Variants in DOCK1 observed in about 807,000 individuals in gnomAD.
DOCK1 encodes dedicator of cytokinesis 1, also known as dedicator of cytokinesis protein 1.
Under a neutral mutation model 262.7 loss-of-function variants are expected in DOCK1, and 138 were observed. The observed-to-expected ratio is 0.53, with a 90% CI of 0.46 to 0.61. The LOEUF is 0.61. Ranked by LOEUF, DOCK1 falls within the 20% of genes least tolerant of loss-of-function variation. DOCK1 has a pLI of 0.00. For synonymous variants in DOCK1, 866 were observed against 867.4 expected, an observed-to-expected ratio of 1.00 and a Z score of 0.03; for missense variants, 1,908 against 2,370.7, an observed-to-expected ratio of 0.80 and a Z score of 4.05.
intron 47 of DOCK1, among the ~76,000 whole-genome samples, chr10:127,428,505 TG>T (rs1429223521): frequency 9.5e-5 from 14 of 147,116 alleles, no homozygotes; most frequent in Non-Finnish European, 1.9e-4. Flanking sequence ...GGGTGTCGTG[TG>T]GATTGGGGTG....
intron 29 of DOCK1, among the ~76,000 whole-genome samples, chr10:127,261,088 CATCT>C (rs2060053502): frequency 9.3e-6 from 1 of 107,752 alleles, no homozygotes; most frequent in Non-Finnish European, 1.9e-5. Flanking sequence ...TACCTGTGCT[CATCT>C]GTGTGTGTAC....
At chr10:127,424,304 C>T (rs189422555) in intron 46 of DOCK1, among the ~76,000 whole-genome samples, 25 of 152,266 alleles carry the variant, frequency 1.6e-4, no homozygotes, top group Admixed American at 5.9e-4. Flanking sequence ...GCAGCACAAG[C>T]GTCCTAAACC....
rs112895358 is a variant in DOCK1, at chr10:127,114,712, A to G, written c.2623+4358A>G. On this transcript the variant is annotated intron_variant, in intron 25 of 51. Coordinates refer to ENST00000623213, the MANE Select transcript of DOCK1 (RefSeq NM_001290223.2). ...GAGAGTAATGCATGCCAGTGTACTC[A>G]TCACTCAGCTCCACAAATTATCAAC... is the stretch of plus-strand genomic sequence containing the variant. 9.3e-3 allele frequency among the ~76,000 whole-genome samples: 1,409 copies of G among 151,968 alleles called. 19 individuals are homozygous for G. Among genetic ancestry groups the G allele is most frequent in the African/African-American group, 0.032 (1,318 of 41,394 alleles).
chr10:126,910,706 C>A (rs979224376), intron 1 of DOCK1, among the ~76,000 whole-genome samples: 1 of 152,194 alleles, frequency 6.6e-6, no homozygotes, highest in Non-Finnish European at 1.5e-5. Flanking sequence ...ACATTTCCAG[C>A]ACCACAAGCA....
intron 8 of DOCK1, among the ~76,000 whole-genome samples, chr10:126,998,864 T>C (rs1272324082): frequency 2.0e-5 from 3 of 152,258 alleles, no homozygotes; most frequent in African/African-American, 7.2e-5. Context: ...GTTAAAACTC[T>C]AGTATCTTCA....
At chr10:127,046,450 C>T (rs933156804) in intron 21 of DOCK1, among the ~76,000 whole-genome samples, 1 of 152,120 alleles carries the variant, frequency 6.6e-6, no homozygotes, top group Non-Finnish European at 1.5e-5. Context: ...CACATCCACT[C>T]AGTCTCCCAA....
chr10:127,398,407 C>A (rs562071488), intron 38 of DOCK1, among the ~76,000 whole-genome samples: 1 of 152,324 alleles, frequency 6.6e-6, no homozygotes, highest in East Asian at 1.9e-4. Context: ...CAGCCCCACA[C>A]CTGGAAGGGA....
At chr10:127,431,987 C>T (rs2069322465) in intron 47 of DOCK1, among the ~76,000 whole-genome samples, 1 of 152,134 alleles carries the variant, frequency 6.6e-6, no homozygotes, top group African/African-American at 2.4e-5. Context: ...ATTAGATTCT[C>T]ATGGGAGCAT....
intron 10 of DOCK1, 41 bp from the exon 11 acceptor site, chr10:127,008,691 C>G: frequency 6.7e-7 from 1 of 1,502,442 alleles, no homozygotes. Context: ...GTGATTATAG[C>G]ATTTAAGCCA....
Position 127,257,344 on chromosome 10 carries a change from A to T in DOCK1, c.2959A>T (p.Met987Leu). 1 of 1,595,438 alleles carries T rather than the reference A, an allele frequency of 6.3e-7. No individual in the cohort carries two copies. Among genetic ancestry groups the T allele is most frequent in the Non-Finnish European group, 8.6e-7 (1 of 1,169,158 alleles). The change falls in exon 29 of 52, where the codon ATG (methionine) becomes TTG (leucine). Residue 987 changes from methionine (M) to leucine (L), a missense_variant. This residue lies in a region of DOCK1 where 518 missense variants were observed against 575.1 expected (regional missense o/e 0.90). Transcript: ENST00000623213. The stretch of plus-strand genomic sequence containing the variant: ...TGTTTTTTTATTTCAGGATTTCCTA[A>T]TGGAAACATTCATCATGTTTAAGAA... ...KMRTDVVDFLMETFIMFKNLI... is the reference protein window; with the variant it reads ...KMRTDVVDFLLETFIMFKNLI...
intron 42 of DOCK1, 73 bp downstream of exon 42, chr10:127,409,464 C>T: frequency 6.6e-7 from 1 of 1,506,498 alleles, no homozygotes; most frequent in Non-Finnish European, 9.2e-7. Flanking sequence ...CTAATAATTC[C>T]ACCTTTTAAA....
chr10:127,369,240 GC>G (rs1339453529), intron 33 of DOCK1, among the ~76,000 whole-genome samples: 1 of 152,164 alleles, frequency 6.6e-6, no homozygotes, highest in Non-Finnish European at 1.5e-5. Flanking sequence ...GAGTTTGGTA[GC>G]AATTCTATCT....
chr10:127,364,230 G>C (rs149849160), intron 33 of DOCK1, among the ~76,000 whole-genome samples: 1 of 152,332 alleles, frequency 6.6e-6, no homozygotes, highest in African/African-American at 2.4e-5. Context: ...GATGAACAGA[G>C]TCTGACTGCT....
At chr10:127,195,752 C>T (rs968334774) in intron 27 of DOCK1, among the ~76,000 whole-genome samples, 1 of 152,174 alleles carries the variant, frequency 6.6e-6, no homozygotes, top group African/African-American at 2.4e-5. Flanking sequence ...AGACGCCCCT[C>T]AGCGACCCGG....
chr10:127,348,005 A>G (rs559654989), intron 31 of DOCK1, among the ~76,000 whole-genome samples: 21 of 149,274 alleles, frequency 1.4e-4, no homozygotes, highest in Non-Finnish European at 4.4e-5. Flanking sequence ...CATCCTCCTA[A>G]TGACTGAGGT....
chr10:127,160,092 G>A lies in DOCK1; in HGVS notation c.2847+32328G>A, dbSNP rs114019301. On this transcript the variant is annotated intron_variant, in intron 27 of 51. Transcript: ENST00000623213. ...GAGAGGCAGGACTAACAACTCTGAG[G>A]CAATCATAACAAAACATGAATTGTT... Among the ~76,000 whole-genome samples, 1,119 of 151,278 alleles carry A rather than the reference G, an allele frequency of 7.4e-3. 3 individuals carry two copies. The highest frequency in any genetic ancestry group is 0.01 in the Admixed American group (155 of 15,206).
intron 13 of DOCK1, 49 bp from the exon 14 acceptor site, chr10:127,023,151 G>T (rs2050812): frequency 6.3e-7 from 1 of 1,597,784 alleles, no homozygotes; most frequent in Non-Finnish European, 8.5e-7. Context: ...TCACAATTAC[G>T]CTATTAATAA....
chr10:126,948,981 C>G (rs1490026996), intron 1 of DOCK1, among the ~76,000 whole-genome samples: 2 of 152,066 alleles, frequency 1.3e-5, no homozygotes, highest in African/African-American at 2.4e-5. Flanking sequence ...TGGCCCGGGC[C>G]CACCCCCTGG....
chr10:127,418,207 CAATAAT>C (rs1409042197), intron 44 of DOCK1, among the ~76,000 whole-genome samples, 152 bp from the exon 45 acceptor site: 1 of 150,070 alleles, frequency 6.7e-6, no homozygotes, highest in Non-Finnish European at 1.5e-5. Context: ...TGGGAACAAA[CAATAAT>C]AATAAAATGC....
Sources: allele counts gnomAD v4.1 joint callset (sites outside exome capture counted in the v4.1 genomes callset), GRCh38; gene constraint gnomAD v4.1.1; regional missense constraint gnomAD v4.1.1; transcripts MANE v1.5; gene names NCBI Gene and HGNC (gene_info 2026-07-23, HGNC 2026-07-21).